The following KCNMB2 variants were observed in gnomAD, a reference collection of about 807,000 sequenced individuals.
KCNMB2 encodes the protein potassium calcium-activated channel subfamily M regulatory beta subunit 2.
Under a neutral mutation model 24.5 loss-of-function variants are expected in KCNMB2, and 9 were observed. That is an observed-to-expected ratio of 0.37 (90% CI 0.22 to 0.64). The LOEUF (loss-of-function observed/expected upper bound fraction) is 0.64, where lower values mean the gene tolerates loss of function less well. Among genes scored for constraint, KCNMB2 ranks in the 30% least tolerant of loss-of-function variants. The pLI, the probability that KCNMB2 is intolerant of heterozygous loss-of-function variation, is 0.63. For synonymous variants in KCNMB2, 109 were observed against 104.4 expected (o/e 1.04, Z -0.27); for missense variants, 226 against 284.3 (o/e 0.79, Z 1.47).
At chr3:178,652,145 T>C (rs1428295622) in intron 1 of KCNMB2, among the ~76,000 whole-genome samples, 1 of 152,048 alleles carries the variant, frequency 6.6e-6, no homozygotes, top group Non-Finnish European at 1.5e-5. Flanking sequence ...ACCTGCAGAA[T>C]GGGAGAAAAT....
chr3:178,614,283 A>ATG (rs1718614484), intron 1 of KCNMB2, among the ~76,000 whole-genome samples: 1 of 69,544 alleles, frequency 1.4e-5, no homozygotes, highest in African/African-American at 4.5e-5. Flanking sequence ...ATATATATAT[A>ATG]TATATATATA....
At chr3:178,609,719 C>T (rs923784704) in intron 1 of KCNMB2, among the ~76,000 whole-genome samples, 1 of 152,052 alleles carries the variant, frequency 6.6e-6, no homozygotes, top group Non-Finnish European at 1.5e-5. Flanking sequence ...TCACTGCAAC[C>T]TCTGCCTCCC....
At chr3:178,671,236 T>C (rs1272312644) in intron 1 of KCNMB2, among the ~76,000 whole-genome samples, 1 of 152,148 alleles carries the variant, frequency 6.6e-6, no homozygotes, top group African/African-American at 2.4e-5. Flanking sequence ...CAAAAACTTC[T>C]AGGCCCACTG....
At chr3:178,814,505 G>T (rs1714327483) in intron 2 of KCNMB2, among the ~76,000 whole-genome samples, 1 of 152,086 alleles carries the variant, frequency 6.6e-6, no homozygotes, top group Non-Finnish European at 1.5e-5. Context: ...TATCAATTAT[G>T]GTTGCTGGGT....
intron 1 of KCNMB2, among the ~76,000 whole-genome samples, chr3:178,677,150 G>C (rs1721097397): frequency 6.6e-6 from 1 of 152,154 alleles, no homozygotes; most frequent in Admixed American, 6.5e-5. Flanking sequence ...GTTAATATAA[G>C]TAAAACCAGC....
chr3:178,737,908 G>A (rs146297978), intron 1 of KCNMB2, among the ~76,000 whole-genome samples: 148 of 152,078 alleles, frequency 9.7e-4, no homozygotes, highest in African/African-American at 3.3e-3. Context: ...GTGAGATATC[G>A]GCATTTGCTA....
intron 1 of KCNMB2, among the ~76,000 whole-genome samples, chr3:178,718,094 G>C (rs1252360201): frequency 6.6e-6 from 1 of 152,102 alleles, no homozygotes; most frequent in Non-Finnish European, 1.5e-5. Context: ...AATCTTTACT[G>C]TTTCTCACTT....
At chr3:178,697,843 T>C (rs756327005) in intron 1 of KCNMB2, among the ~76,000 whole-genome samples, 18 of 152,332 alleles carry the variant, frequency 1.2e-4, no homozygotes, top group Non-Finnish European at 2.5e-4. Flanking sequence ...AAGAATCTTA[T>C]TTCTCCTTCT....
intron 1 of KCNMB2, among the ~76,000 whole-genome samples, chr3:178,619,213 A>C (rs1217712718): frequency 6.6e-6 from 1 of 152,158 alleles, no homozygotes; most frequent in East Asian, 1.9e-4. Context: ...GGAGGGCCTT[A>C]TATACTATCT....
At chr3:178,586,523 C>CTTTTTT (rs1160913551) in intron 1 of KCNMB2, among the ~76,000 whole-genome samples, 2 of 61,828 alleles carry the variant, frequency 3.2e-5, no homozygotes, top group Non-Finnish European at 7.4e-5. Context: ...ATTTTCTTTT[C>CTTTTTT]TTTTTTTTTT....
chr3:178,807,818 G>A (rs1465217804), intron 2 of KCNMB2, among the ~76,000 whole-genome samples: 1 of 151,936 alleles, frequency 6.6e-6, no homozygotes, highest in Admixed American at 6.6e-5. Context: ...ACCTAGCACT[G>A]TACCTGGCAC....
chr3:178,694,063 A>G (rs770170230), intron 1 of KCNMB2, among the ~76,000 whole-genome samples: 4 of 152,178 alleles, frequency 2.6e-5, no homozygotes, highest in Non-Finnish European at 5.9e-5. Flanking sequence ...TATAAAGGAA[A>G]GAAGTTTGAC....
chr3:178,754,181 C>T (rs868120382), intron 1 of KCNMB2, among the ~76,000 whole-genome samples: 9 of 82,098 alleles, frequency 1.1e-4, no homozygotes, highest in Admixed American at 8.2e-4. Context: ...TATATATACA[C>T]ACACACACAC....
intron 1 of KCNMB2, among the ~76,000 whole-genome samples, chr3:178,652,970 T>C (rs547358564): frequency 1.1e-4 from 16 of 152,286 alleles, no homozygotes; most frequent in South Asian, 1.0e-3. Context: ...GTCCTCTATA[T>C]ACTGTTTTAA....
At chr3:178,575,823 A>G (rs1178152528) in intron 1 of KCNMB2, among the ~76,000 whole-genome samples, 1 of 152,204 alleles carries the variant, frequency 6.6e-6, no homozygotes, top group Non-Finnish European at 1.5e-5. Flanking sequence ...TTTTATGTCC[A>G]TATATTTATG....
chr3:178,626,850 T>TAA (rs986418596), intron 1 of KCNMB2, among the ~76,000 whole-genome samples: 2 of 149,524 alleles, frequency 1.3e-5, no homozygotes, highest in Non-Finnish European at 3.0e-5. Flanking sequence ...AGTATATATA[T>TAA]AACTTATATA....
chr3:178,781,683 G>A (rs1712848593), intron 1 of KCNMB2, among the ~76,000 whole-genome samples: 1 of 151,768 alleles, frequency 6.6e-6, no homozygotes. Context: ...CTGGGATGAG[G>A]GGTGAGGAAC....
intron 1 of KCNMB2, among the ~76,000 whole-genome samples, chr3:178,703,516 C>CA (rs11414245): frequency 0.33 from 49,646 of 151,762 alleles, 8,842 homozygotes; most frequent in African/African-American, 0.47. Flanking sequence ...CCCACCCCCC[C>CA]AAAAAAAGTA....
intron 1 of KCNMB2, among the ~76,000 whole-genome samples, chr3:178,722,760 A>T (rs780841834): frequency 6.6e-6 from 1 of 152,092 alleles, no homozygotes; most frequent in Non-Finnish European, 1.5e-5. Context: ...GGGTGTGGTG[A>T]TGCATGCTTG....
Sources: allele counts gnomAD v4.1 joint callset (sites outside exome capture counted in the v4.1 genomes callset), GRCh38; gene constraint gnomAD v4.1.1; transcripts MANE v1.5; gene names NCBI Gene and HGNC (gene_info 2026-07-23, HGNC 2026-07-21).